The following DAGLB variants were observed in gnomAD, a reference collection of about 807,000 sequenced individuals.
The protein encoded by DAGLB is diacylglycerol lipase-beta.
A neutral mutation model predicts 72.1 loss-of-function variants in DAGLB; 66 were observed. That is an observed-to-expected ratio of 0.92 (90% CI 0.75 to 1.12). The LOEUF is 1.12. DAGLB is among the 50% of genes most tolerant of loss of function. The pLI is 0.00. For missense variants in DAGLB, 1,065 were observed against 884.9 expected (o/e 1.20, Z -2.58); for synonymous variants, 414 against 359.5 (o/e 1.15, Z -1.71).
Position 6,410,173 on chromosome 7 carries a change from G to A in DAGLB, c.1777C>T (p.Pro593Ser). The A allele has an allele frequency of 6.3e-7, 1 of 1,588,204 alleles. No individual in the cohort carries two copies. The highest frequency in any genetic ancestry group is 8.6e-7 in the Non-Finnish European group (1 of 1,164,390). Residue 593 changes from proline to serine, a missense_variant, in exon 14 of 15, where the codon CCC (proline) becomes TCC (serine). Physicochemically the swap from Pro to Ser is moderately conservative, Grantham distance 74. Coordinates refer to ENST00000297056, the MANE Select transcript of DAGLB (RefSeq NM_139179.4). ...SSPKYPPLYP[P>S]GRIIHLQEEG... ...TCCTGCAGGTGGATGATCCTGCCGGGAGGGTAGAGAGGGGGGTACTTGGGA... is the reference window on the plus strand; with the variant it reads ...TCCTGCAGGTGGATGATCCTGCCGGAAGGGTAGAGAGGGGGGTACTTGGGA...
At chr7:6,447,039 A>G (rs374580454) in intron 1 of DAGLB, among the ~76,000 whole-genome samples, 75 of 152,258 alleles carry the variant, frequency 4.9e-4, no homozygotes, top group African/African-American at 1.8e-3. Context: ...GGGTCTCACT[A>G]TGTTGCCCAG....
At position 6,426,126 on chromosome 7, in the gene DAGLB, A is replaced by T; in HGVS notation, c.930-12T>A. ...TTCTGCTTCTGCAGCTAAAAAGAGG[A>T]CAAAGACGTTACTATGCCGAACAGA... On this transcript the variant is annotated splice_polypyrimidine_tract_variant and intron_variant, in intron 6 of 14. Transcript: ENST00000297056. 2 of 1,613,118 alleles carry T rather than the reference A, an allele frequency of 1.2e-6. No homozygotes were observed. The highest frequency in any genetic ancestry group is 1.7e-6 in the Non-Finnish European group (2 of 1,179,762).
chr7:6,447,646 C>G (rs1562492049), intron 1 of DAGLB, 102 bp downstream of exon 1: 1 of 1,452,168 alleles, frequency 6.9e-7, no homozygotes, highest in East Asian at 2.6e-5. Flanking sequence ...GCTGGGACCG[C>G]GACAGTGCTT....
At chr7:6,416,369 C>T (rs1474798644) in intron 11 of DAGLB, 3 of 336,762 alleles carry the variant, frequency 8.9e-6, no homozygotes, top group Non-Finnish European at 1.6e-5. Context: ...CATGGTGAAA[C>T]CCCACCACTA....
At chr7:6,421,216 C>T (rs150133878) in intron 9 of DAGLB, among the ~76,000 whole-genome samples, 1,577 of 151,762 alleles carry the variant, frequency 0.01, 16 homozygotes, top group Non-Finnish European at 0.014. Flanking sequence ...AGTAGCCACG[C>T]GACTTTGGGC....
chr7:6,439,365 G>A lies in DAGLB; in HGVS notation c.248-2832C>T, dbSNP rs149914789. On this transcript the variant is annotated intron_variant, in intron 2 of 14. Transcript: ENST00000297056. ...CTGCCGCAGCAGGCTTCCTAAGGTC[G>A]CTGGCCCCATAACCGACAAGCACAG... Among the ~76,000 whole-genome samples the A allele has an allele frequency of 3.6e-3, 545 of 152,108 alleles. 9 individuals carry two copies. The highest frequency in any genetic ancestry group is 0.012 in the African/African-American group (511 of 41,500).
chr7:6,430,670 A>C, intron 5 of DAGLB, 63 bp from the exon 6 acceptor site: 1 of 1,425,714 alleles, frequency 7.0e-7, no homozygotes, highest in Non-Finnish European at 9.3e-7. Flanking sequence ...GGATCAACAC[A>C]CTGAGACCTG....
At chr7:6,432,659 T>TAAA (rs777686699) in intron 5 of DAGLB, among the ~76,000 whole-genome samples, 178 bp downstream of exon 5, 2,562 of 41,256 alleles carry the variant, frequency 0.062, 104 homozygotes, top group African/African-American at 0.16. Flanking sequence ...GACTCCGTCT[T>TAAA]AAAAAAAAAA....
Position 6,413,258 on chromosome 7 carries a change from C to T in DAGLB, c.1428-224G>A, listed in dbSNP as rs143863613. Among the ~76,000 whole-genome samples the T allele has an allele frequency of 9.8e-5, 15 of 152,292 alleles. No individual in the cohort carries two copies. The East Asian group carries it at 2.3e-3, about 24-fold the overall frequency. On this transcript the variant is annotated intron_variant, in intron 11 of 14. Transcript: ENST00000297056. ...AACAGAGACGCCCCGCAGCTAAAACCGCAAACTGGACACCAAGGCGGACCA... is the reference window on the plus strand; with the variant it reads ...AACAGAGACGCCCCGCAGCTAAAACTGCAAACTGGACACCAAGGCGGACCA...
chr7:6,441,555 C>T (rs1335134593), intron 2 of DAGLB, among the ~76,000 whole-genome samples: 1 of 150,598 alleles, frequency 6.6e-6, no homozygotes, highest in Non-Finnish European at 1.5e-5. Flanking sequence ...GTAGGTGTGA[C>T]TACAGGGGCC....
rs558130635 is a variant in DAGLB, at chr7:6,435,676, G to A, written c.420-656C>T. On this transcript the variant is annotated intron_variant, in intron 3 of 14. Coordinates refer to ENST00000297056, the MANE Select transcript of DAGLB (RefSeq NM_139179.4). The stretch of plus-strand genomic sequence containing the variant: ...CGCCCTTCCCCTTCGGTGCCTCAGG[G>A]CTCTTCTCATGAAGGTATCACAGAG... Among the ~76,000 whole-genome samples the A allele has an allele frequency of 4.6e-5, 7 of 152,178 alleles. No homozygotes were observed. The South Asian group carries it at 1.5e-3, about 32-fold the overall frequency.
intron 8 of DAGLB, 146 bp from the exon 9 acceptor site, chr7:6,421,950 C>T (rs889559797): frequency 2.2e-6 from 2 of 902,146 alleles, no homozygotes; most frequent in East Asian, 5.4e-5. Context: ...GAACCCTAAA[C>T]TAAAGAGGGA....
In DAGLB at chr7:6,412,931, C is replaced by T. The variant is rs769364597; in HGVS notation, c.1496+35G>A. On this transcript the variant is annotated intron_variant, in intron 12 of 14. Transcript: ENST00000297056. ...GAGGCTGGGACCTGGCACTCCCAAC[C>T]CCCCAGCCCTGGGCACAGCACCAGG... 3.7e-6 allele frequency: 6 copies of T among 1,613,178 alleles called. No homozygotes were observed. In the East Asian group the frequency reaches 1.3e-4, roughly 36 times the overall value.
Position 6,412,794 on chromosome 7 carries a change from A to T in DAGLB, c.1569+17T>A, listed in dbSNP as rs1273359115. The T allele has an allele frequency of 2.5e-6, 4 of 1,571,630 alleles. No homozygotes were observed. Among genetic ancestry groups the T allele is most frequent in the Admixed American group, 1.8e-5 (1 of 54,204 alleles). On this transcript the variant is annotated intron_variant, in intron 13 of 14. Coordinates refer to ENST00000297056, the MANE Select transcript of DAGLB (RefSeq NM_139179.4). ...GCCCCGTGTCCTGCTGACCCTCTCA[A>T]CAAGGCACCCGCTTACCTTGGGTTT... is the stretch of plus-strand genomic sequence containing the variant.
chr7:6,437,368 T>C (rs1329870867), intron 2 of DAGLB, among the ~76,000 whole-genome samples: 2 of 152,050 alleles, frequency 1.3e-5, no homozygotes, highest in Admixed American at 1.3e-4. Context: ...ATCCCCACAA[T>C]GACTGGGTTA....
chr7:6,446,158 G>T (rs1326967502), intron 1 of DAGLB, 54 bp from the exon 2 acceptor site: 4 of 1,542,978 alleles, frequency 2.6e-6, no homozygotes, highest in Non-Finnish European at 1.7e-6. Context: ...GAGCTGCTGT[G>T]TAGAACATGA....
chr7:6,447,086 G>T (rs1785031514), intron 1 of DAGLB, among the ~76,000 whole-genome samples: 1 of 152,166 alleles, frequency 6.6e-6, no homozygotes, highest in South Asian at 2.1e-4. Context: ...CAATCCTCCC[G>T]TCTCAGCCTC....
At chr7:6,410,424 T>C (rs1783683512) in intron 13 of DAGLB, 44 bp from the exon 14 acceptor site, 3 of 1,555,146 alleles carry the variant, frequency 1.9e-6, no homozygotes, top group Non-Finnish European at 2.6e-6. Context: ...ACTCACCCTC[T>C]GTCACCCGAG....
Position 6,418,671 on chromosome 7 carries a change from T to C in DAGLB, c.1219-1750A>G, listed in dbSNP as rs1481300913. Among the ~76,000 whole-genome samples the C allele has an allele frequency of 1.6e-3, 95 of 60,172 alleles. No homozygotes were observed. In the African/African-American group the frequency reaches 0.027, roughly 17 times the overall value. 39.5% of individuals were successfully genotyped at this position (60,172 alleles called of 152,430 possible). A position where few individuals can be genotyped will look rare whatever the true frequency, so the allele number is the denominator to read the frequency against. On this transcript the variant is annotated intron_variant, in intron 9 of 14. Coordinates refer to ENST00000297056, the MANE Select transcript of DAGLB (RefSeq NM_139179.4). ...ATCCAACTACAAGTTTCTTTTTTTG[T>C]TTTTTTTTTTTGAGACAGAGTCTCG...
Sources: allele counts gnomAD v4.1 joint callset (sites outside exome capture counted in the v4.1 genomes callset), GRCh38; gene constraint gnomAD v4.1.1; transcripts MANE v1.5; gene names NCBI Gene and HGNC (gene_info 2026-07-23, HGNC 2026-07-21).